MEI1: variants seen among roughly 807,000 people sequenced by gnomAD.
MEI1 encodes the protein meiosis inhibitor protein 1.
A neutral mutation model predicts 146.2 loss-of-function variants in MEI1; 103 were observed. That is an observed-to-expected ratio of 0.70 (90% CI 0.60 to 0.83). MEI1 has a LOEUF of 0.83. Ranked by LOEUF, MEI1 falls within the 40% of genes least tolerant of loss-of-function variation. The pLI is 0.00. For missense variants in MEI1, 1,529 were observed against 1,533.0 expected, an observed-to-expected ratio of 1.00 and a Z score of 0.04; for synonymous variants, 652 against 628.2, an observed-to-expected ratio of 1.04 and a Z score of -0.57.
chr22:41,712,703 G>GTGTGT (rs766760114), intron 3 of MEI1, among the ~76,000 whole-genome samples: 1,642 of 91,436 alleles, frequency 0.018, 12 homozygotes, highest in African/African-American at 0.027. Flanking sequence ...TGTGTGTGTG[G>GTGTGT]AGCAATATAT....
rs372318208 is a variant in MEI1 at position 41,719,466 on chromosome 22, C to T, written c.733+1192C>T. On this transcript the variant is annotated intron_variant, in intron 6 of 30. Coordinates refer to ENST00000401548, the MANE Select transcript of MEI1 (RefSeq NM_152513.4). ...CCTCCCCAAGTGCTGGGATTAAAGG[C>T]GCAAGCCACTGTGCCTGGCCTGAAC... Among the ~76,000 whole-genome samples, 254 of 152,336 alleles carry T rather than the reference C, an allele frequency of 1.7e-3. 3 individuals carry two copies. The highest frequency in any genetic ancestry group is 5.7e-3 in the African/African-American group (238 of 41,580).
chr22:41,734,839 G>A (rs13055891), intron 11 of MEI1, among the ~76,000 whole-genome samples: 43,437 of 151,706 alleles, frequency 0.29, 6,813 homozygotes, highest in Non-Finnish European at 0.36. Flanking sequence ...GTTTCGCCAC[G>A]TTGGCCAGGG....
intron 11 of MEI1, among the ~76,000 whole-genome samples, chr22:41,738,535 C>T (rs146140905): frequency 0.088 from 13,394 of 151,974 alleles, 758 homozygotes; most frequent in South Asian, 0.15. Context: ...TGCAGTGAGC[C>T]GAGATCATGC....
intron 19 of MEI1, among the ~76,000 whole-genome samples, chr22:41,764,225 G>A (rs1488910782): frequency 6.6e-6 from 1 of 152,204 alleles, no homozygotes; most frequent in Non-Finnish European, 1.5e-5. Context: ...CTCCCAAAGT[G>A]CTGGGATTAC....
chr22:41,758,455 A>G lies in MEI1; in HGVS notation c.2042A>G (p.Gln681Arg). 1 of 1,613,964 alleles carries G rather than the reference A, an allele frequency of 6.2e-7. No homozygotes were observed. Among genetic ancestry groups the G allele is most frequent in the African/African-American group, 1.3e-5 (1 of 75,054 alleles). Residue 681 changes from glutamine to arginine, a missense_variant, in exon 18 of 31, where the codon CAG (glutamine) becomes CGG (arginine). Transcript: ENST00000401548. ...PESLAFLSDR[Q>R]YMEGAARQRQ... ...AGCCTTGCCTTCCTGTCTGATCGCC[A>G]GTACATGGAGGGAGCTGCTCGCCAG...
intron 18 of MEI1, among the ~76,000 whole-genome samples, chr22:41,760,491 G>A (rs1406953426): frequency 6.6e-6 from 1 of 151,976 alleles, no homozygotes; most frequent in East Asian, 1.9e-4. Flanking sequence ...CCTCGGTGAC[G>A]GAGTGATACT....
In MEI1 at chr22:41,780,499, C is replaced by T. The variant is rs565212726; in HGVS notation, c.2816-785C>T. ...TGCACTGATGAGGCCTGGGAGAATG[C>T]AGAAGCACATCTAATCTTGCCTTGA... On this transcript the variant is annotated intron_variant, in intron 22 of 30. Coordinates refer to ENST00000401548, the MANE Select transcript of MEI1 (RefSeq NM_152513.4). Among the ~76,000 whole-genome samples the T allele has an allele frequency of 2.0e-5, 3 of 151,776 alleles. No individual in the cohort carries two copies. The East Asian group carries it at 5.8e-4, about 29-fold the overall frequency.
In MEI1 at chr22:41,699,626, C is replaced by G. The variant is rs762070710; in HGVS notation, c.88C>G (p.Arg30Gly). 6.2e-7 allele frequency: 1 copy of G among 1,609,680 alleles called. No homozygotes were observed. Among genetic ancestry groups the G allele is most frequent in the Admixed American group, 1.7e-5 (1 of 59,604 alleles). ...GCTTCTATTCGAGAGGGCCCATTAC[C>G]GGCACGACCCGCGCTGGCTGCTGCC... is the stretch of plus-strand genomic sequence containing the variant. ...AALLFERAHY[R>G]HDPRWLLPVT... is the part of the protein sequence containing the mutation. Residue 30 changes from arginine (R) to glycine (G), a missense_variant, in exon 1 of 31, where the codon CGG (arginine) becomes GGG (glycine). Arg to Gly is a moderately radical substitution (Grantham distance 125). This residue lies in a region of MEI1 where 1,212 missense variants were observed against 1,178.9 expected (regional missense o/e 1.03). Transcript: ENST00000401548.
At chr22:41,774,030 A>G (rs2075320453) in intron 20 of MEI1, 1 of 152,210 alleles carries the variant, frequency 6.6e-6, no homozygotes, top group Non-Finnish European at 1.5e-5. Context: ...TATATGGGTA[A>G]TTAACAGCTG....
At chr22:41,772,886 A>G (rs990541572) in intron 20 of MEI1, among the ~76,000 whole-genome samples, 1 of 152,176 alleles carries the variant, frequency 6.6e-6, no homozygotes, top group Admixed American at 6.5e-5. Flanking sequence ...CATGAAGTCA[A>G]CCATCTATTT....
chr22:41,730,659 C>G, intron 9 of MEI1, 22 bp downstream of exon 9: 7 of 1,558,894 alleles, frequency 4.5e-6, no homozygotes, highest in Non-Finnish European at 6.2e-6. Context: ...GGGTCCTGTA[C>G]TAGCTTTGGG....
intron 11 of MEI1, among the ~76,000 whole-genome samples, chr22:41,742,274 A>G (rs925451661): frequency 5.9e-5 from 9 of 152,026 alleles, no homozygotes; most frequent in African/African-American, 1.7e-4. Context: ...TCTTAGTAAC[A>G]TTTACCTGTT....
rs1230316113 is a variant in MEI1, at chr22:41,745,892, A to G, written c.1546A>G (p.Ile516Val). 9 of 1,607,566 alleles carry G rather than the reference A, an allele frequency of 5.6e-6. No individual in the cohort carries two copies. Among genetic ancestry groups the G allele is most frequent in the East Asian group, 2.2e-5 (1 of 44,768 alleles). ...EGFRSACRLAIEFQSEPSAQE... is the reference protein window; with the variant it reads ...EGFRSACRLAVEFQSEPSAQE... ...CACACATTGATTTCTTAGGTTGGCT[A>G]TAGAATTCCAGAGTGAGCCTTCAGC... The change falls in exon 14 of 31, where the codon ATA becomes GTA. Residue 516 changes from isoleucine (I) to valine (V), a missense_variant. Ile to Val is a conservative substitution (Grantham distance 29). Transcript: ENST00000401548.
intron 4 of MEI1, 87 bp downstream of exon 4, chr22:41,714,162 A>C (rs2069874668): frequency 1.5e-6 from 2 of 1,322,992 alleles, no homozygotes; most frequent in Non-Finnish European, 2.1e-6. Context: ...GAGAGATTGA[A>C]GTCCAGGGAG....
intron 26 of MEI1, among the ~76,000 whole-genome samples, chr22:41,791,616 A>G (rs1029247144): frequency 6.6e-6 from 1 of 152,202 alleles, no homozygotes; most frequent in African/African-American, 2.4e-5. Context: ...CCTCATACCC[A>G]TGAGGGTGGC....
chr22:41,798,225 GCACA>G (rs138708111), intron 30 of MEI1, among the ~76,000 whole-genome samples: 25 of 147,252 alleles, frequency 1.7e-4, no homozygotes, highest in African/African-American at 2.7e-4. Context: ...ATGGCCAGGT[GCACA>G]CACACACACA....
At chr22:41,798,099 C>G (rs1411752023) in intron 30 of MEI1, among the ~76,000 whole-genome samples, 1 of 148,604 alleles carries the variant, frequency 6.7e-6, no homozygotes, top group East Asian at 2.1e-4. Flanking sequence ...GCAGTTGGTT[C>G]AAGTGATCCT....
chr22:41,730,702 G>A, intron 9 of MEI1, 65 bp downstream of exon 9: 1 of 1,032,344 alleles, frequency 9.7e-7, no homozygotes, highest in Non-Finnish European at 1.5e-6. Flanking sequence ...TTGGGTAGCA[G>A]CCGCAGTGAT....
At chr22:41,768,863 C>G (rs1322571453) in intron 19 of MEI1, among the ~76,000 whole-genome samples, 1 of 152,140 alleles carries the variant, frequency 6.6e-6, no homozygotes, top group East Asian at 1.9e-4. Flanking sequence ...GACACAAATC[C>G]AAATCATATC....
Sources: gnomAD v4.1 joint callset for allele counts (sites outside exome capture counted in the v4.1 genomes callset) on GRCh38, gnomAD v4.1.1 for gene constraint, gnomAD v4.1.1 regional missense constraint, MANE v1.5 for transcripts, NCBI Gene and HGNC (gene_info 2026-07-23, HGNC 2026-07-21) for gene names.